The following CNBD2 variants were observed in gnomAD, a reference collection of about 807,000 sequenced individuals.
CNBD2 encodes the protein cyclic nucleotide binding domain containing 2, also known as cyclic nucleotide-binding domain-containing protein 2.
A neutral mutation model predicts 63.7 loss-of-function variants in CNBD2; 64 were observed. That is an observed-to-expected ratio of 1.00 (90% CI 0.82 to 1.24). CNBD2 has a LOEUF of 1.24. Ranked by LOEUF, CNBD2 falls within the 50% of genes most tolerant of loss-of-function variation. The pLI, the probability that CNBD2 is intolerant of heterozygous loss-of-function variation, is 0.00. For synonymous variants in CNBD2, 229 were observed against 255.4 expected (o/e 0.90, Z 0.99); for missense variants, 691 against 713.5 (o/e 0.97, Z 0.36).
chr20:35,984,885 G>A, intron 6 of CNBD2, 107 bp downstream of exon 6: 1 of 1,189,438 alleles, frequency 8.4e-7, no homozygotes. Flanking sequence ...TGTTCTCTCT[G>A]TCTGGGATGC....
At chr20:35,961,803 T>G (rs1447645470) in intron 2 of CNBD2, among the ~76,000 whole-genome samples, 1 of 152,102 alleles carries the variant, frequency 6.6e-6, no homozygotes, top group East Asian at 1.9e-4. Context: ...GTATGTGAAT[T>G]GGTTTAGCCC....
chr20:36,026,541 C>G (rs1003074380), intron 11 of CNBD2, among the ~76,000 whole-genome samples: 2 of 152,128 alleles, frequency 1.3e-5, no homozygotes, highest in African/African-American at 4.8e-5. Context: ...CCTCAATGAC[C>G]CACCACAGTC....
chr20:36,022,251 T>A (rs2057225319), intron 10 of CNBD2, among the ~76,000 whole-genome samples: 1 of 138,816 alleles, frequency 7.2e-6, no homozygotes. Flanking sequence ...CAGGCTGGAG[T>A]GCAGTGGCGC....
rs1640994807 is a variant in CNBD2 at position 36,023,735 on chromosome 20, T to TA, written c.1409dup (p.Leu471ValfsTer11). ...CTGATTGACAATGATGACGAGATGA[T>TA]AAAAAAGTTGTTAAAGCTCAATATT... On this transcript the variant is annotated frameshift_variant, in exon 11 of 12. Coordinates refer to ENST00000373973, the MANE Select transcript of CNBD2 (RefSeq NM_001365709.1). LOFTEE classifies it low-confidence loss of function (END_TRUNC). 2.5e-6 allele frequency: 4 copies of TA among 1,613,332 alleles called. No homozygotes were observed. Among genetic ancestry groups the TA allele is most frequent in the Middle Eastern group, 1.7e-4 (1 of 6,060 alleles).
chr20:35,975,222 C>G (rs1200059859), intron 2 of CNBD2, among the ~76,000 whole-genome samples: 2 of 136,016 alleles, frequency 1.5e-5, no homozygotes, highest in South Asian at 2.3e-4. Context: ...AGGATGGTCT[C>G]GATCTCCTGA....
At chr20:35,968,381 TCAC>T (rs1254737897), upstream of CNBD2, among the ~76,000 whole-genome samples, 1 of 120,240 alleles carries the variant, frequency 8.3e-6, no homozygotes, top group African/African-American at 3.8e-5. Context: ...TTCTCCTGTC[TCAC>T]CAGGACTCTG....
chr20:36,018,208 G>A (rs1358715474), intron 10 of CNBD2, among the ~76,000 whole-genome samples: 1 of 152,162 alleles, frequency 6.6e-6, no homozygotes, highest in African/African-American at 2.4e-5. Flanking sequence ...GCAGGATGGA[G>A]GCACGAGGAT....
intron 8 of CNBD2, among the ~76,000 whole-genome samples, chr20:36,007,435 C>G (rs2057000687): frequency 6.6e-6 from 1 of 152,036 alleles, no homozygotes; most frequent in African/African-American, 2.4e-5. Flanking sequence ...AGGTGTGCAC[C>G]ACTGCAACTG....
chr20:36,000,894 GCCTT>G (rs1290267015), intron 8 of CNBD2, among the ~76,000 whole-genome samples: 2 of 151,652 alleles, frequency 1.3e-5, no homozygotes, highest in Non-Finnish European at 2.9e-5. Flanking sequence ...GGACCCTGCG[GCCTT>G]CCGCAGTGTT....
At chr20:36,019,529 G>GAAAAAAAAAAAAAAAAAAA (rs60556168) in intron 10 of CNBD2, among the ~76,000 whole-genome samples, 1 of 71,712 alleles carries the variant, frequency 1.4e-5, no homozygotes, top group Non-Finnish European at 3.1e-5. Context: ...CTCAAAAAAA[G>GAAAAAAAAAAAAAAAAAAA]AAAAAAAAAA....
chr20:36,019,544 A>AG (rs1357789363), intron 10 of CNBD2, among the ~76,000 whole-genome samples: 2 of 151,116 alleles, frequency 1.3e-5, no homozygotes, highest in African/African-American at 4.8e-5. Flanking sequence ...AAAAAAAAAA[A>AG]AAAAAAAAGA....
intron 8 of CNBD2, among the ~76,000 whole-genome samples, chr20:36,002,199 A>G (rs960294165): frequency 2.2e-4 from 34 of 152,232 alleles, no homozygotes; most frequent in African/African-American, 7.0e-4. Context: ...GCTGGAGACC[A>G]GCCCGGCCAA....
chr20:35,955,469 A>G (rs2147157048), downstream of CNBD2: 1 of 152,304 alleles, frequency 6.6e-6, no homozygotes, highest in East Asian at 1.9e-4. Flanking sequence ...AGAGTGTTGG[A>G]GTGAGGCTAC....
intron 7 of CNBD2, among the ~76,000 whole-genome samples, chr20:35,994,524 T>C (rs1021741920): frequency 1.3e-5 from 2 of 151,482 alleles, no homozygotes; most frequent in Middle Eastern, 3.4e-3. Flanking sequence ...TTAGTTCTTA[T>C]GCTTCTTCAG....
At chr20:35,969,538 T>A (rs1414110367) in intron 1 of CNBD2, among the ~76,000 whole-genome samples, 1 of 152,142 alleles carries the variant, frequency 6.6e-6, no homozygotes, top group African/African-American at 2.4e-5. Flanking sequence ...TGTGTATGTA[T>A]CCATAAACAA....
In CNBD2 at chr20:36,030,487, A is replaced by G. The variant is rs777056035; in HGVS notation, c.1570A>G (p.Ile524Val). The G allele has an allele frequency of 2.1e-5, 34 of 1,613,740 alleles. No individual in the cohort carries two copies. The South Asian group carries it at 3.6e-4, about 17-fold the overall frequency. Residue 524 changes from isoleucine to valine, a missense_variant, in exon 12 of 12, where the codon ATC becomes GTC. Physicochemically the swap from Ile to Val is conservative, Grantham distance 29. Transcript: ENST00000373973. ...FTPNRPKKRE[I>V]YNPKSVVLDL... ...TCCAAACCGGCCCAAGAAGAGAGAG[A>G]TCTACAACCCTAAGTCTGTGGTCCT... is the stretch of plus-strand genomic sequence containing the variant.
At position 36,008,478 on chromosome 20, in the gene CNBD2, A is replaced by C. The variant is rs1377569536; in HGVS notation, c.1148+4A>C. 4 of 1,608,568 alleles carry C rather than the reference A, an allele frequency of 2.5e-6. No homozygotes were observed. The South Asian group carries it at 4.4e-5, about 18-fold the overall frequency. On this transcript the variant is annotated splice_donor_region_variant and intron_variant, in intron 9 of 11. Transcript: ENST00000373973. ...AGATGCTGGGCCCGAAGATCCAGTA[A>C]GCTCAGCCCTGGGCAGATAGACGGG...
upstream of CNBD2, chr20:35,968,494 C>A (rs1461763986): frequency 8.3e-6 from 3 of 361,532 alleles, no homozygotes; most frequent in Non-Finnish European, 1.6e-5. Flanking sequence ...CTGTGAGTAT[C>A]CCATAAATGT....
chr20:36,028,901 C>T (rs2057312118), intron 11 of CNBD2, among the ~76,000 whole-genome samples: 1 of 152,102 alleles, frequency 6.6e-6, no homozygotes, highest in Admixed American at 6.6e-5. Context: ...GTCTCAAACT[C>T]CTGATCTGAA....
Sources: gnomAD v4.1 joint callset for allele counts (sites outside exome capture counted in the v4.1 genomes callset) on GRCh38, gnomAD v4.1.1 for gene constraint, MANE v1.5 for transcripts, NCBI Gene and HGNC (gene_info 2026-07-23, HGNC 2026-07-21) for gene names.